Variants in LYPD6 observed in about 807,000 individuals in gnomAD.
LYPD6 encodes LY6/PLAUR domain containing 6.
A neutral mutation model predicts 22.7 loss-of-function variants in LYPD6; 15 were observed. The ratio of observed to expected loss-of-function variants is 0.66; its 90% CI spans 0.44 to 1.02. The LOEUF is 1.02. LYPD6 is among the 50% of genes least tolerant of loss of function. LYPD6 has a pLI of 0.00. For missense variants in LYPD6, 189 were observed against 208.4 expected (o/e 0.91, Z 0.57); for synonymous variants, 72 against 77.5 (o/e 0.93, Z 0.37).
intron 3 of LYPD6, among the ~76,000 whole-genome samples, chr2:149,455,617 G>C (rs1680940871): frequency 6.6e-6 from 1 of 152,028 alleles, no homozygotes; most frequent in African/African-American, 2.4e-5. Flanking sequence ...TTCGTACACT[G>C]AGAGCATCTA....
chr2:149,408,509 A>G lies in LYPD6; in HGVS notation c.-71-29129A>G, dbSNP rs114162178. Among the ~76,000 whole-genome samples the G allele has an allele frequency of 7.6e-3, 1,163 of 152,212 alleles. 15 individuals are homozygous for G. The highest frequency in any genetic ancestry group is 0.026 in the African/African-American group (1,081 of 41,520). Reference sequence around the variant, plus strand: ...TTATTTCGTCAAATATATTTTCCAAACTTTTAGACTTCTCTTCTTCCTTGG... The same window carrying G: ...TTATTTCGTCAAATATATTTTCCAAGCTTTTAGACTTCTCTTCTTCCTTGG... On this transcript the variant is annotated intron_variant, in intron 1 of 4. Transcript: ENST00000334166.
intron 1 of LYPD6, among the ~76,000 whole-genome samples, chr2:149,366,557 A>T (rs927602933): frequency 4.6e-5 from 7 of 152,174 alleles, no homozygotes; most frequent in Non-Finnish European, 8.8e-5. Context: ...AAGAACAAGG[A>T]TGGCAAGAAG....
chr2:149,429,367 G>C (rs1415596671), intron 1 of LYPD6, among the ~76,000 whole-genome samples: 6 of 152,326 alleles, frequency 3.9e-5, no homozygotes, highest in African/African-American at 9.6e-5. Flanking sequence ...GCAAAGTTGA[G>C]GGATGAAAAT....
At chr2:149,462,370 G>A (rs965393278) in intron 3 of LYPD6, among the ~76,000 whole-genome samples, 5 of 151,710 alleles carry the variant, frequency 3.3e-5, no homozygotes, top group Non-Finnish European at 7.4e-5. Flanking sequence ...AGCAAAACAT[G>A]TATAGGACTT....
At chr2:149,361,413 G>GT in intron 1 of LYPD6, among the ~76,000 whole-genome samples, 1 of 152,148 alleles carries the variant, frequency 6.6e-6, no homozygotes, top group Non-Finnish European at 1.5e-5. Context: ...AGCTTCTCCT[G>GT]TATTTTCAGT....
chr2:149,482,728 G>A, the LYPD6 span, among the ~76,000 whole-genome samples: 11,003 of 152,132 alleles, frequency 0.072, 794 homozygotes, highest in African/African-American at 0.19. Flanking sequence ...AGTTCTTCAC[G>A]TCTTTAAGCT....
intron 3 of LYPD6, among the ~76,000 whole-genome samples, chr2:149,452,486 C>T (rs1680857183): frequency 1.3e-5 from 2 of 152,190 alleles, no homozygotes; most frequent in Admixed American, 6.5e-5. Context: ...TCTAGGACTA[C>T]CAATGGGCTT....
chr2:149,469,528 C>A (rs1481844304), intron 4 of LYPD6, among the ~76,000 whole-genome samples: 3 of 152,100 alleles, frequency 2.0e-5, no homozygotes, highest in Non-Finnish European at 4.4e-5. Flanking sequence ...GTGGTTTGGG[C>A]AATGTCCATT....
chr2:149,396,375 C>G (rs961804375), intron 1 of LYPD6, among the ~76,000 whole-genome samples: 2 of 151,946 alleles, frequency 1.3e-5, no homozygotes, highest in Non-Finnish European at 2.9e-5. Context: ...TCTCTCTTCC[C>G]CTTCTGCCTG....
At chr2:149,351,969 C>T (rs746445534) in intron 1 of LYPD6, among the ~76,000 whole-genome samples, 39 of 151,632 alleles carry the variant, frequency 2.6e-4, no homozygotes. Flanking sequence ...CTGCCCCTGC[C>T]CTGCGCCAGT....
At chr2:149,344,144 A>G (rs951639774) in intron 1 of LYPD6, among the ~76,000 whole-genome samples, 5 of 152,126 alleles carry the variant, frequency 3.3e-5, no homozygotes, top group African/African-American at 9.7e-5. Flanking sequence ...TGAATGTACA[A>G]TTAGTTTGTC....
At chr2:149,436,708 A>G (rs1683438711) in intron 1 of LYPD6, among the ~76,000 whole-genome samples, 1 of 151,994 alleles carries the variant, frequency 6.6e-6, no homozygotes. Context: ...CCCTCCCGAG[A>G]GTAGCTGAGA....
At chr2:149,476,901 G>A (rs570661692), downstream of LYPD6, among the ~76,000 whole-genome samples, 17 of 152,282 alleles carry the variant, frequency 1.1e-4, no homozygotes, top group African/African-American at 4.1e-4. Flanking sequence ...CATAAAGAAG[G>A]TCTGTGAACA....
At chr2:149,381,756 T>G (rs1408059684) in intron 1 of LYPD6, among the ~76,000 whole-genome samples, 1 of 152,220 alleles carries the variant, frequency 6.6e-6, no homozygotes, top group African/African-American at 2.4e-5. Context: ...CATATGTTGG[T>G]TGCCCCAACA....
rs143478545 is a variant in LYPD6 at position 149,378,060 on chromosome 2, A to G, written c.-72+47338A>G. The stretch of plus-strand genomic sequence containing the variant: ...GGAGATGCTGTTTTACCTATTCTTC[A>G]AAAGACTTTCCTAGCTATGTGTAAC... On this transcript the variant is annotated intron_variant, in intron 1 of 4. Coordinates refer to ENST00000334166, the MANE Select transcript of LYPD6 (RefSeq NM_194317.5). Among the ~76,000 whole-genome samples the G allele has an allele frequency of 5.5e-3, 843 of 152,146 alleles. 7 individuals are homozygous for G. The highest frequency in any genetic ancestry group is 0.02 in the African/African-American group (814 of 41,494).
intron 1 of LYPD6, among the ~76,000 whole-genome samples, chr2:149,337,424 C>T (rs1456899029): frequency 6.6e-6 from 1 of 152,052 alleles, no homozygotes; most frequent in African/African-American, 2.4e-5. Flanking sequence ...CATCTGGGAT[C>T]CTCTGGCTTA....
chr2:149,399,698 A>G (rs559957287), intron 1 of LYPD6, among the ~76,000 whole-genome samples: 22 of 141,158 alleles, frequency 1.6e-4, no homozygotes, highest in African/African-American at 6.0e-4. Context: ...ATAAATTATA[A>G]AATAAAATAT....
intron 1 of LYPD6, among the ~76,000 whole-genome samples, chr2:149,399,510 G>A (rs1460154272): frequency 1.3e-5 from 2 of 151,844 alleles, no homozygotes; most frequent in East Asian, 1.9e-4. Flanking sequence ...TATATTTGGG[G>A]TAGGGTCTCT....
intron 1 of LYPD6, among the ~76,000 whole-genome samples, chr2:149,426,623 C>A (rs918515964): frequency 6.6e-6 from 1 of 152,140 alleles, no homozygotes; most frequent in African/African-American, 2.4e-5. Flanking sequence ...AGAGTGAGTA[C>A]TCTGTACTGG....
Sources: allele counts gnomAD v4.1 joint callset (sites outside exome capture counted in the v4.1 genomes callset), GRCh38; gene constraint gnomAD v4.1.1; transcripts MANE v1.5; gene names NCBI Gene and HGNC (gene_info 2026-07-23, HGNC 2026-07-21).